The following DLG2 variants were observed in gnomAD, a reference collection of about 807,000 sequenced individuals.
DLG2 encodes disks large homolog 2.
Under a neutral mutation model 132.5 loss-of-function variants are expected in DLG2, and 45 were observed. That is an observed-to-expected ratio of 0.34 (90% CI 0.27 to 0.44). The LOEUF is 0.44. Among genes scored for constraint, DLG2 ranks in the 20% least tolerant of loss-of-function variants. The pLI is 1.00. For synonymous variants in DLG2, 424 were observed against 419.6 expected (o/e 1.01, Z -0.13); for missense variants, 1,045 against 1,196.9 (o/e 0.87, Z 1.87).
intron 7 of DLG2, among the ~76,000 whole-genome samples, chr11:84,426,571 T>C (rs2098967311): frequency 6.6e-6 from 1 of 151,936 alleles, no homozygotes; most frequent in Non-Finnish European, 1.5e-5. Flanking sequence ...AATCATAGAG[T>C]AGTGACTGGC....
intron 3 of DLG2, among the ~76,000 whole-genome samples, chr11:85,416,200 C>T (rs1319770465): frequency 2.0e-5 from 3 of 151,092 alleles, no homozygotes; most frequent in African/African-American, 4.9e-5. Flanking sequence ...GACATTATTT[C>T]TGAGGCTTCT....
chr11:84,545,073 ACCTGTAGCTTC>A, intron 6 of DLG2: 1 of 453,892 alleles, frequency 2.2e-6, no homozygotes, highest in Non-Finnish European at 4.4e-6. Context: ...ATCTGTTGTA[ACCTGTAGCTTC>A]CCTGTCACTT....
intron 3 of DLG2, among the ~76,000 whole-genome samples, chr11:85,456,808 T>C (rs2153050459): frequency 6.6e-6 from 1 of 152,346 alleles, no homozygotes; most frequent in East Asian, 1.9e-4. Context: ...GTTTCTATTT[T>C]ATTGTACTGT....
intron 7 of DLG2, among the ~76,000 whole-genome samples, chr11:84,416,413 G>T (rs952168622): frequency 2.0e-5 from 3 of 152,120 alleles, no homozygotes; most frequent in African/African-American, 7.2e-5. Context: ...TAAGCAAAAT[G>T]AAACTGTCTT....
intron 3 of DLG2, chr11:85,469,356 T>C (rs961745723): frequency 6.6e-6 from 1 of 152,222 alleles, no homozygotes; most frequent in African/African-American, 2.4e-5. Context: ...ACAGTATTTA[T>C]TGAGAGAACT....
At chr11:84,468,978 T>C (rs909549150) in intron 7 of DLG2, among the ~76,000 whole-genome samples, 5 of 151,538 alleles carry the variant, frequency 3.3e-5, no homozygotes, top group Non-Finnish European at 7.4e-5. Flanking sequence ...GAAGTGACAT[T>C]TCCTTTGTGA....
intron 8 of DLG2, among the ~76,000 whole-genome samples, chr11:84,218,204 A>G (rs2096862184): frequency 6.7e-6 from 1 of 149,456 alleles, no homozygotes; most frequent in Non-Finnish European, 1.5e-5. Context: ...GAAGGAAAGG[A>G]AGGAAGGAAG....
intron 7 of DLG2, among the ~76,000 whole-genome samples, chr11:84,296,273 G>C (rs758924286): frequency 2.7e-4 from 40 of 148,764 alleles, no homozygotes; most frequent in Non-Finnish European, 3.7e-4. Flanking sequence ...TACTTAGAAT[G>C]AACAACAGAC....
chr11:83,543,854 G>A (rs539201108), intron 19 of DLG2, among the ~76,000 whole-genome samples: 1 of 152,276 alleles, frequency 6.6e-6, no homozygotes, highest in East Asian at 1.9e-4. Context: ...TTGCTTGTAA[G>A]GGTGGCCCTT....
chr11:83,889,732 G>T (rs1330447672), intron 15 of DLG2, among the ~76,000 whole-genome samples: 1 of 152,038 alleles, frequency 6.6e-6, no homozygotes, highest in Non-Finnish European at 1.5e-5. Context: ...ATGATAGACT[G>T]GATTAAGAAA....
chr11:85,212,290 T>C (rs1565165739), intron 4 of DLG2, among the ~76,000 whole-genome samples: 4 of 152,092 alleles, frequency 2.6e-5, no homozygotes, highest in Non-Finnish European at 1.5e-5. Context: ...AATAGTCCTC[T>C]GATTTCCACT....
chr11:83,587,313 C>T (rs1173522428), intron 19 of DLG2, among the ~76,000 whole-genome samples: 1 of 151,740 alleles, frequency 6.6e-6, no homozygotes, highest in African/African-American at 2.4e-5. Context: ...CTCTGTCACA[C>T]AGGCTAGAGT....
At chr11:83,550,779 G>C (rs1430161313) in intron 19 of DLG2, among the ~76,000 whole-genome samples, 2 of 152,144 alleles carry the variant, frequency 1.3e-5, no homozygotes, top group African/African-American at 4.8e-5. Flanking sequence ...TAAGGCAATT[G>C]AGATATGTTA....
intron 3 of DLG2, among the ~76,000 whole-genome samples, chr11:85,489,353 G>A (rs756534953): frequency 5.3e-5 from 8 of 152,130 alleles, no homozygotes; most frequent in Non-Finnish European, 1.0e-4. Flanking sequence ...AACTCAGCAA[G>A]AGGATATAAT....
At chr11:84,553,441 G>T (rs749048420) in intron 6 of DLG2, among the ~76,000 whole-genome samples, 16 of 152,166 alleles carry the variant, frequency 1.1e-4, no homozygotes, top group Non-Finnish European at 1.6e-4. Flanking sequence ...TATTTAAAAA[G>T]TGCATGTTAG....
intron 3 of DLG2, among the ~76,000 whole-genome samples, chr11:85,566,359 G>C (rs2077524946): frequency 6.6e-6 from 1 of 151,938 alleles, no homozygotes; most frequent in Non-Finnish European, 1.5e-5. Flanking sequence ...TTCTTTTCCT[G>C]CTTGTGCTTT....
intron 11 of DLG2, among the ~76,000 whole-genome samples, chr11:84,054,416 C>T (rs34427744): frequency 1.2e-4 from 19 of 152,096 alleles, no homozygotes; most frequent in African/African-American, 4.1e-4. Context: ...ATGGATTTGC[C>T]TAATACTTTC....
intron 3 of DLG2, among the ~76,000 whole-genome samples, chr11:85,484,276 A>G (rs1034697817): frequency 2.8e-4 from 32 of 115,292 alleles, no homozygotes; most frequent in African/African-American, 1.1e-3. Context: ...ATTACCATTC[A>G]GGACATAGGC....
At chr11:85,457,194 T>G (rs2092450804) in intron 3 of DLG2, among the ~76,000 whole-genome samples, 1 of 152,088 alleles carries the variant, frequency 6.6e-6, no homozygotes. Context: ...CTTTTTTTTT[T>G]TTTTTTATCT....
Sources: allele counts gnomAD v4.1 joint callset (sites outside exome capture counted in the v4.1 genomes callset), GRCh38; gene constraint gnomAD v4.1.1; transcripts MANE v1.5; gene names NCBI Gene and HGNC (gene_info 2026-07-23, HGNC 2026-07-21).